Variants in ABCA4 observed in about 807,000 individuals in gnomAD.
ABCA4 encodes ATP binding cassette subfamily A member 4.
Under a neutral mutation model 263.7 loss-of-function variants are expected in ABCA4, and 196 were observed. The ratio of observed to expected loss-of-function variants is 0.74; its 90% CI spans 0.66 to 0.84. ABCA4 has a LOEUF of 0.84. Among genes scored for constraint, ABCA4 ranks in the 40% least tolerant of loss-of-function variants. ABCA4 has a pLI of 0.00. For synonymous variants in ABCA4, 1,133 were observed against 1,094.2 expected (o/e 1.04, Z -0.70); for missense variants, 2,792 against 2,855.1 (o/e 0.98, Z 0.50).
chr1:93,999,176 G>C (rs2100991018), intron 47 of ABCA4, among the ~76,000 whole-genome samples: 1 of 151,832 alleles, frequency 6.6e-6, no homozygotes, highest in South Asian at 2.1e-4. Context: ...TTCCCGAGTA[G>C]GTGGGATTAC....
chr1:94,069,349 TTGA>T (rs1158297676), intron 11 of ABCA4, among the ~76,000 whole-genome samples: 2 of 152,210 alleles, frequency 1.3e-5, no homozygotes, highest in Non-Finnish European at 2.9e-5. Flanking sequence ...TTGTTTAAAC[TTGA>T]TGATCAAAGT....
At position 94,060,569 on chromosome 1, in the gene ABCA4, T is replaced by C; in HGVS notation, c.2128A>G (p.Met710Val). The C allele has an allele frequency of 6.2e-7, 1 of 1,614,162 alleles. No individual in the cohort carries two copies. Among genetic ancestry groups the C allele is most frequent in the Middle Eastern group, 1.7e-4 (1 of 6,038 alleles). Residue 710 changes from methionine to valine, a missense_variant, in exon 14 of 50, where the codon ATG becomes GTG. Transcript: ENST00000370225. The part of the protein sequence containing the change: ...WFLDSFSIMS[M>V]SIFLLTIFIM... ...AATATCGTCAGGAGGAAGATGCTCATCGACATGATGGAGAAGCTGTCCAGG... is the reference window on the plus strand; with the variant it reads ...AATATCGTCAGGAGGAAGATGCTCACCGACATGATGGAGAAGCTGTCCAGG...
chr1:94,007,793 T>C, intron 42 of ABCA4, 53 bp from the exon 43 acceptor site: 2 of 1,521,850 alleles, frequency 1.3e-6, no homozygotes, highest in Non-Finnish European at 1.8e-6. Context: ...AGGTCTAAAA[T>C]GTCAGGCCCC....
chr1:94,040,957 A>G (rs569029095), intron 23 of ABCA4, among the ~76,000 whole-genome samples: 6 of 152,342 alleles, frequency 3.9e-5, no homozygotes, highest in African/African-American at 1.2e-4. Flanking sequence ...ACCAAACCGC[A>G]CCAAACTGGT....
Position 94,083,107 on chromosome 1 carries a change from T to G in ABCA4, c.858+245A>C, listed in dbSNP as rs1256184166. Among the ~76,000 whole-genome samples the G allele has an allele frequency of 3.3e-5, 5 of 152,356 alleles. No individual in the cohort carries two copies. The South Asian group carries it at 1.0e-3, about 32-fold the overall frequency. ...GATGATTTATGCCACACCAGGCAAG[T>G]TGCTTATTGCCAGTGGCATTTCTTT... On this transcript the variant is annotated intron_variant, in intron 7 of 49. Transcript: ENST00000370225.
chr1:94,001,203 C>T (rs1293045668), intron 45 of ABCA4, 98 bp from the exon 46 acceptor site: 2 of 938,480 alleles, frequency 2.1e-6, no homozygotes, highest in Non-Finnish European at 3.3e-6. Context: ...GATGAGCTGA[C>T]AGAAGGCGCA....
intron 30 of ABCA4, among the ~76,000 whole-genome samples, chr1:94,026,908 G>T (rs2101029927): frequency 6.6e-6 from 1 of 152,228 alleles, no homozygotes; most frequent in South Asian, 2.1e-4. Context: ...ATGTGAATAA[G>T]AGTGTGGGTT....
intron 24 of ABCA4, among the ~76,000 whole-genome samples, chr1:94,038,906 G>C (rs1660415252): frequency 6.6e-6 from 1 of 152,056 alleles, no homozygotes; most frequent in Admixed American, 6.5e-5. Flanking sequence ...TAACTATTTA[G>C]TGCATTTCCC....
intron 35 of ABCA4, among the ~76,000 whole-genome samples, chr1:94,020,956 T>TTA (rs1659878705): frequency 6.6e-6 from 1 of 152,240 alleles, no homozygotes; most frequent in African/African-American, 2.4e-5. Context: ...ATAGCAAAGA[T>TTA]AATAATTGTA....
chr1:94,117,996 T>A (rs1447506698), intron 1 of ABCA4, among the ~76,000 whole-genome samples: 1 of 152,230 alleles, frequency 6.6e-6, no homozygotes, highest in Non-Finnish European at 1.5e-5. Context: ...CCACTCTATC[T>A]TAGTGATATC....
intron 47 of ABCA4, among the ~76,000 whole-genome samples, chr1:93,998,473 C>T (rs1374688245): frequency 6.6e-6 from 1 of 151,604 alleles, no homozygotes; most frequent in Non-Finnish European, 1.5e-5. Flanking sequence ...AGAGTGAGAC[C>T]CTGTCTCAAA....
chr1:94,003,411 A>G lies in ABCA4; in HGVS notation c.6148-1419T>C, dbSNP rs548331831. Among the ~76,000 whole-genome samples the G allele has an allele frequency of 2.7e-5, 4 of 149,844 alleles. No individual in the cohort carries two copies. The South Asian group carries it at 8.5e-4, about 32-fold the overall frequency. Reference sequence around the variant, plus strand: ...GGAGCTTGTCAGATGTTTCCTCATGATAAGATTCAGGTTACATATCTCCAA... The same window carrying G: ...GGAGCTTGTCAGATGTTTCCTCATGGTAAGATTCAGGTTACATATCTCCAA... On this transcript the variant is annotated intron_variant, in intron 44 of 49. Coordinates refer to ENST00000370225, the MANE Select transcript of ABCA4 (RefSeq NM_000350.3).
intron 1 of ABCA4, among the ~76,000 whole-genome samples, chr1:94,117,087 T>G (rs192391644): frequency 7.6e-4 from 115 of 150,770 alleles, no homozygotes; most frequent in Admixed American, 6.6e-5. Context: ...TCTCTCTCTC[T>G]CTCCCTCTCA....
chr1:93,996,266 C>T, intron 48 of ABCA4, 71 bp from the exon 49 acceptor site: 1 of 1,164,668 alleles, frequency 8.6e-7, no homozygotes, highest in Non-Finnish European at 1.3e-6. Context: ...CACCTACCCA[C>T]TTTGCTCTCT....
chr1:94,008,637 C>T (rs2101004711), intron 41 of ABCA4, 114 bp downstream of exon 41: 1 of 1,469,078 alleles, frequency 6.8e-7, no homozygotes, highest in East Asian at 2.3e-5. Flanking sequence ...CTACATAAAA[C>T]TGGGAACCAA....
intron 6 of ABCA4, among the ~76,000 whole-genome samples, chr1:94,088,340 C>G (rs1487168217): frequency 6.6e-6 from 1 of 152,216 alleles, no homozygotes; most frequent in Non-Finnish European, 1.5e-5. Flanking sequence ...TGCTGAGGTT[C>G]CCAAGGGCCT....
chr1:94,072,506 G>A lies in ABCA4; in HGVS notation c.1554+5184C>T, dbSNP rs182187024. 3.5e-4 allele frequency among the ~76,000 whole-genome samples: 53 copies of A among 152,284 alleles called. 1 individual carries two copies. The highest frequency in any genetic ancestry group is 1.2e-3 in the African/African-American group (49 of 41,554). On this transcript the variant is annotated intron_variant, in intron 11 of 49. Coordinates refer to ENST00000370225, the MANE Select transcript of ABCA4 (RefSeq NM_000350.3). ...TTTTGCTAAACAAAAAATCCAAAGG[G>A]GAGGGGTGTGTATGCTTGTTTTAGC...
Position 94,021,283 on chromosome 1 carries a change from G to C in ABCA4, c.4975C>G (p.Gln1659Glu), listed in dbSNP as rs149324169. Residue 1659 changes from glutamine (Q) to glutamate (E), a missense_variant, in exon 35 of 50, where the codon CAA becomes GAA. Gln to Glu is a conservative substitution (Grantham distance 29). Coordinates refer to ENST00000370225, the MANE Select transcript of ABCA4 (RefSeq NM_000350.3). ...PEEYGITVIS[Q>E]PLNLTKEQLS... ...TGCTCCTTGGTCAGGTTCAGGGGTTGGCTAATGACGGTGATTCCATACTCC... is the reference window on the plus strand; with the variant it reads ...TGCTCCTTGGTCAGGTTCAGGGGTTCGCTAATGACGGTGATTCCATACTCC... 8 of 1,614,094 alleles carry C rather than the reference G, an allele frequency of 5.0e-6. No homozygotes were observed. Among genetic ancestry groups the C allele is most frequent in the Non-Finnish European group, 6.8e-6 (8 of 1,180,050 alleles).
intron 44 of ABCA4, among the ~76,000 whole-genome samples, chr1:94,004,001 T>C (rs1171198824): frequency 6.6e-6 from 1 of 152,196 alleles, no homozygotes; most frequent in Non-Finnish European, 1.5e-5. Context: ...GTTCATTTTA[T>C]ACCTATGCCA....
Sources: allele counts gnomAD v4.1 joint callset (sites outside exome capture counted in the v4.1 genomes callset), GRCh38; gene constraint gnomAD v4.1.1; transcripts MANE v1.5; gene names NCBI Gene and HGNC (gene_info 2026-07-23, HGNC 2026-07-21).